Variants in OVCH1 observed in about 807,000 individuals in gnomAD.
OVCH1 encodes ovochymase-1.
OVCH1 carries 139 observed loss-of-function variants against 138.4 expected under a neutral mutation model. That is an observed-to-expected ratio of 1.00 (90% CI 0.87 to 1.16). The LOEUF is 1.16. Among genes scored for constraint, OVCH1 ranks in the 50% most tolerant of loss-of-function variants. The pLI is 0.00. For synonymous variants in OVCH1, 453 were observed against 467.8 expected (o/e 0.97, Z 0.41); for missense variants, 1,367 against 1,357.9 (o/e 1.01, Z -0.11).
the OVCH1 span, among the ~76,000 whole-genome samples, chr12:29,402,965 T>G: frequency 1.3e-5 from 2 of 152,290 alleles, no homozygotes; most frequent in East Asian, 3.9e-4. Context: ...TCAAGGTTCA[T>G]TAGACAAAGA....
the OVCH1 span, among the ~76,000 whole-genome samples, chr12:29,403,224 C>G: frequency 1.3e-5 from 2 of 152,092 alleles, no homozygotes; most frequent in African/African-American, 4.8e-5. Context: ...ACTTTTTAAT[C>G]TACAGAAATG....
intron 27 of OVCH1, among the ~76,000 whole-genome samples, chr12:29,429,948 G>A (rs1249281077): frequency 6.6e-6 from 1 of 152,024 alleles, no homozygotes; most frequent in African/African-American, 2.4e-5. Flanking sequence ...TTGGAAAAAC[G>A]GACCCCCACT....
At chr12:29,411,303 C>T (rs528210868), downstream of OVCH1, among the ~76,000 whole-genome samples, 14 of 150,194 alleles carry the variant, frequency 9.3e-5, no homozygotes, top group East Asian at 5.8e-4. Flanking sequence ...ACTCTCAACT[C>T]GTCAAAGTCA....
At chr12:29,443,377 T>C in exon 25 of OVCH1, 1 of 1,609,558 alleles carries the variant, frequency 6.2e-7, no homozygotes, top group Non-Finnish European at 8.5e-7. Flanking sequence ...ATTTTTTTCC[T>C]GGTCCAAATC....
chr12:29,402,339 A>C, the OVCH1 span, among the ~76,000 whole-genome samples: 2 of 152,220 alleles, frequency 1.3e-5, no homozygotes, highest in Non-Finnish European at 2.9e-5. Context: ...CAAAAGTATA[A>C]CTTAATGAAA....
At chr12:29,446,686 C>T (rs1941625000) in intron 22 of OVCH1, among the ~76,000 whole-genome samples, 1 of 151,952 alleles carries the variant, frequency 6.6e-6, no homozygotes, top group South Asian at 2.1e-4. Context: ...AAATGTGTCT[C>T]TCTGTATAAT....
chr12:29,422,685 G>A (rs953823928), downstream of OVCH1, among the ~76,000 whole-genome samples: 1 of 152,124 alleles, frequency 6.6e-6, no homozygotes, highest in Admixed American at 6.5e-5. Flanking sequence ...GATTGGATAA[G>A]TAGAAAATCA....
At chr12:29,444,731 T>C (rs1941569675) in intron 23 of OVCH1, among the ~76,000 whole-genome samples, 1 of 151,966 alleles carries the variant, frequency 6.6e-6, no homozygotes, top group African/African-American at 2.4e-5. Context: ...TTCAGTTGTC[T>C]ACATCAAGAA....
chr12:29,496,995 A>G (rs549390903), intron 1 of OVCH1, among the ~76,000 whole-genome samples: 3 of 152,284 alleles, frequency 2.0e-5, no homozygotes, highest in African/African-American at 7.2e-5. Flanking sequence ...CAGGAGCCAC[A>G]TGCAGTGGTT....
chr12:29,445,620 A>G (rs1210973081), intron 22 of OVCH1, among the ~76,000 whole-genome samples: 1 of 152,100 alleles, frequency 6.6e-6, no homozygotes, highest in Non-Finnish European at 1.5e-5. Flanking sequence ...TGTATCCAAT[A>G]TCCATCATTA....
intron 21 of OVCH1, 107 bp downstream of exon 21, chr12:29,454,732 AAC>A: frequency 2.2e-6 from 2 of 917,404 alleles, no homozygotes; most frequent in Non-Finnish European, 3.2e-6. Context: ...CCAGAAGGAA[AAC>A]ACAGAGGTTA....
intron 23 of OVCH1, 25 bp downstream of exon 23, chr12:29,445,253 A>C (rs766596617): frequency 6.3e-7 from 1 of 1,586,430 alleles, no homozygotes; most frequent in Non-Finnish European, 8.6e-7. Context: ...TAGCCTTTAC[A>C]AGTTTATAAA....
Position 29,496,221 on chromosome 12 carries a change from G to A in OVCH1, c.241C>T (p.Arg81Trp), listed in dbSNP as rs761206410. ...AGGCAGTGTGCTGCTGTAACAACCCGATCTTCTTGAATCAAGCTTCCTCCA... is the reference window on the plus strand; with the variant it reads ...AGGCAGTGTGCTGCTGTAACAACCCAATCTTCTTGAATCAAGCTTCCTCCA... The change falls in exon 3 of 28, where the codon CGG (arginine) becomes TGG (tryptophan). Residue 81 changes from arginine (R) to tryptophan (W), a missense_variant. By Grantham distance (101) the Arg-to-Trp change is moderately radical. Transcript: ENST00000318184. The A allele has an allele frequency of 7.5e-6, 12 of 1,609,358 alleles. No individual in the cohort carries two copies. Among genetic ancestry groups the A allele is most frequent in the Middle Eastern group, 1.6e-4 (1 of 6,076 alleles).
intron 15 of OVCH1, 141 bp from the exon 16 acceptor site, chr12:29,472,123 CT>C (rs1942533747): frequency 1.0e-6 from 1 of 959,866 alleles, no homozygotes; most frequent in African/African-American, 1.7e-5. Context: ...AAACTCACCT[CT>C]GAAAAATCTG....
intron 8 of OVCH1, among the ~76,000 whole-genome samples, chr12:29,485,969 AAAATAAATAAATAAATAAAT>A (rs60243865): frequency 1.8e-4 from 24 of 136,358 alleles, no homozygotes; most frequent in East Asian, 1.3e-3. Flanking sequence ...AAAATAAAAT[AAAATAAATAAATAAATAAAT>A]AAATAAATAA....
chr12:29,476,641 T>G (rs1458940473), intron 12 of OVCH1, among the ~76,000 whole-genome samples: 1 of 152,100 alleles, frequency 6.6e-6, no homozygotes, highest in Non-Finnish European at 1.5e-5. Context: ...TTCTGAAATA[T>G]CATACAATAT....
At chr12:29,409,435 G>C (rs937029731), downstream of OVCH1, among the ~76,000 whole-genome samples, 1 of 151,754 alleles carries the variant, frequency 6.6e-6, no homozygotes, top group Non-Finnish European at 1.5e-5. Context: ...GCTTTCTCTT[G>C]TGGGCATTTA....
At chr12:29,457,175 C>G (rs914944442) in intron 19 of OVCH1, among the ~76,000 whole-genome samples, 2 of 151,662 alleles carry the variant, frequency 1.3e-5, no homozygotes, top group Non-Finnish European at 2.9e-5. Context: ...AAACCCTCTT[C>G]CAGTTGTTTC....
chr12:29,470,646 C>G (rs1371138266), intron 16 of OVCH1, among the ~76,000 whole-genome samples: 8 of 152,108 alleles, frequency 5.3e-5, no homozygotes, highest in Non-Finnish European at 1.2e-4. Context: ...GGTTCCAAGT[C>G]TTTGCTATTG....
Sources: allele counts gnomAD v4.1 joint callset (sites outside exome capture counted in the v4.1 genomes callset), GRCh38; gene constraint gnomAD v4.1.1; transcripts MANE v1.5; gene names NCBI Gene and HGNC (gene_info 2026-07-23, HGNC 2026-07-21).